Variants in OVOL2 observed in about 807,000 individuals in gnomAD.
OVOL2 encodes the protein transcription factor Ovo-like 2.
OVOL2 carries 13 observed loss-of-function variants against 18.1 expected under a neutral mutation model. The ratio of observed to expected loss-of-function variants is 0.72; its 90% CI spans 0.47 to 1.14. The LOEUF (loss-of-function observed/expected upper bound fraction) is 1.14, where lower values mean the gene tolerates loss of function less well. Among genes scored for constraint, OVOL2 ranks in the 50% most tolerant of loss-of-function variants. The pLI is 0.00. For synonymous variants in OVOL2, 166 were observed against 162.7 expected (o/e 1.02, Z -0.16); for missense variants, 335 against 383.0 (o/e 0.87, Z 1.05).
chr20:18,035,486 G>T (rs553741162), intron 3 of OVOL2, among the ~76,000 whole-genome samples: 2 of 152,294 alleles, frequency 1.3e-5, no homozygotes, highest in South Asian at 2.1e-4. Flanking sequence ...AACAACAAAG[G>T]TAAGACCAAA....
At position 18,024,702 on chromosome 20, in the gene OVOL2, C is replaced by A. The variant is rs760555687; in HGVS notation, c.762G>T (p.Leu254=). 6.2e-7 allele frequency: 1 copy of A among 1,614,006 alleles called. No individual in the cohort carries two copies. The highest frequency in any genetic ancestry group is 8.5e-7 in the Non-Finnish European group (1 of 1,180,016). ...KKTSKKLAAL[L]QGKLTSAHQE... ...GGTGTGCGGATGTCAGCTTGCCCTG[C>A]AGAAGGGCTGCCAGTTTTTTAGATG... The change falls in exon 4 of 4, where the codon CTG becomes CTT. Residue 254 remains leucine (L), a synonymous_variant. Transcript: ENST00000278780.
chr20:18,053,191 C>T (rs1213432199), intron 2 of OVOL2, among the ~76,000 whole-genome samples: 1 of 152,174 alleles, frequency 6.6e-6, no homozygotes. Context: ...TCCTTACAGC[C>T]AACAAAATGT....
intron 3 of OVOL2, among the ~76,000 whole-genome samples, chr20:18,040,782 G>C (rs1422009857): frequency 6.6e-6 from 1 of 152,160 alleles, no homozygotes; most frequent in East Asian, 1.9e-4. Flanking sequence ...ACGAGGCTCG[G>C]GTCAGCTCTA....
chr20:18,027,138 A>G (rs1421772435), intron 3 of OVOL2, among the ~76,000 whole-genome samples: 1 of 151,914 alleles, frequency 6.6e-6, no homozygotes, highest in East Asian at 1.9e-4. Context: ...TGAGACTGGT[A>G]TGTGACAGAA....
intron 2 of OVOL2, among the ~76,000 whole-genome samples, chr20:18,044,773 A>T (rs1407838894): frequency 6.6e-6 from 1 of 152,140 alleles, no homozygotes; most frequent in Non-Finnish European, 1.5e-5. Flanking sequence ...TTCCAGAGGA[A>T]GTGAGCTCCT....
At position 18,024,366 on chromosome 20, in the gene OVOL2, C is replaced by T; in HGVS notation, c.*270G>A. On this transcript the variant is annotated 3_prime_UTR_variant, in exon 4 of 4. Coordinates refer to ENST00000278780, the MANE Select transcript of OVOL2 (RefSeq NM_021220.4). ...AAATCCTTGGGGGAAAAAAAAATCC[C>T]ACACGGTGTTCTTGGCCATCAGGAT... is the stretch of plus-strand genomic sequence containing the variant. 2.2e-6 allele frequency: 1 copy of T among 453,060 alleles called. No homozygotes were observed. Among genetic ancestry groups the T allele is most frequent in the Non-Finnish European group, 3.6e-6 (1 of 281,462 alleles). The allele number at this position is 453,060 out of a possible 1,614,324, so 28.1% of individuals were successfully genotyped here.
rs1180439008 is a variant in OVOL2, at chr20:18,024,186, G to C, written c.*450C>G. 6.2e-6 allele frequency: 1 copy of C among 161,340 alleles called. No homozygotes were observed. The highest frequency in any genetic ancestry group is 1.4e-5 in the Non-Finnish European group (1 of 72,732). The allele number at this position is 161,340 out of a possible 1,614,324, so 10.0% of individuals were successfully genotyped here. On this transcript the variant is annotated 3_prime_UTR_variant, in exon 4 of 4. Transcript: ENST00000278780. ...CATTTTGCTTTTAAAAGCTTCACAA[G>C]AACATTTCATTTATTAAAATAGTTT...
At chr20:18,058,876 G>C (rs1052974135), upstream of OVOL2, 1 of 152,438 alleles carries the variant, frequency 6.6e-6, no homozygotes, top group East Asian at 1.9e-4. Context: ...AGTTTGTAAA[G>C]CAGTTGTGCT....
chr20:18,054,165 C>G (rs1029032721), intron 2 of OVOL2, among the ~76,000 whole-genome samples: 3 of 152,192 alleles, frequency 2.0e-5, no homozygotes, highest in Non-Finnish European at 4.4e-5. Context: ...TTTATCCTCA[C>G]GATGCTATCA....
chr20:18,041,438 G>T (rs2036667030), intron 3 of OVOL2, 96 bp downstream of exon 3: 5 of 1,403,238 alleles, frequency 3.6e-6, no homozygotes, highest in African/African-American at 1.4e-5. Context: ...ACACAACATT[G>T]TTCCACGGTC....
chr20:18,039,624 A>AAC (rs2036651309), intron 3 of OVOL2, among the ~76,000 whole-genome samples: 1 of 106,358 alleles, frequency 9.4e-6, no homozygotes, highest in African/African-American at 3.9e-5. Context: ...AAAAAAAAAG[A>AAC]AAGAAAGAAA....
At chr20:18,038,579 G>C (rs781278014) in intron 3 of OVOL2, among the ~76,000 whole-genome samples, 1 of 152,132 alleles carries the variant, frequency 6.6e-6, no homozygotes, top group Non-Finnish European at 1.5e-5. Flanking sequence ...CAATCACAGG[G>C]GAGGCAAGGC....
intron 2 of OVOL2, among the ~76,000 whole-genome samples, chr20:18,049,071 G>T (rs765452568): frequency 2.0e-5 from 3 of 152,234 alleles, no homozygotes; most frequent in Admixed American, 6.5e-5. Flanking sequence ...CGAAGACGAA[G>T]AGACAATGAA....
rs1206382819 is a variant in OVOL2, at chr20:18,057,175, T to A, written c.101-298A>T. On this transcript the variant is annotated intron_variant, in intron 1 of 3. Transcript: ENST00000278780. This position sits in a 1 kb window ranked among gnomAD's most constrained non-coding sequence, Gnocchi z 6.3. ...CAGGGCGGGGGAGGCGGATCTGACC[T>A]CTCCCCAGCTAGCCCCAGAAGGGTT... Among the ~76,000 whole-genome samples the A allele has an allele frequency of 6.7e-6, 1 of 150,294 alleles. No individual in the cohort carries two copies. The highest frequency in any genetic ancestry group is 2.0e-4 in the East Asian group (1 of 4,950).
intron 2 of OVOL2, among the ~76,000 whole-genome samples, chr20:18,045,258 G>A (rs892991416): frequency 9.2e-5 from 14 of 152,210 alleles, no homozygotes; most frequent in African/African-American, 3.1e-4. Context: ...AAGACCAAGT[G>A]TGCACAAGCA....
chr20:18,057,516 G>A lies in OVOL2; in HGVS notation c.100+19C>T, dbSNP rs1235736716. On this transcript the variant is annotated intron_variant, in intron 1 of 3. Transcript: ENST00000278780. The surrounding 1 kb of genome is among the most constrained non-coding windows in gnomAD (Gnocchi z 6.3). ...CCCCGGGAGCCCAGCGCCCAGGCCCGGCCCCCGCGCGCGCTCACCTGGGAT... is the reference window on the plus strand; with the variant it reads ...CCCCGGGAGCCCAGCGCCCAGGCCCAGCCCCCGCGCGCGCTCACCTGGGAT... 3 of 1,503,822 alleles carry A rather than the reference G, an allele frequency of 2.0e-6. No individual in the cohort carries two copies. The highest frequency in any genetic ancestry group is 2.7e-6 in the Non-Finnish European group (3 of 1,118,872). 93.2% of individuals were successfully genotyped at this position (1,503,822 alleles called of 1,614,324 possible).
chr20:18,034,532 T>C (rs987208944), intron 3 of OVOL2, among the ~76,000 whole-genome samples: 4 of 152,114 alleles, frequency 2.6e-5, no homozygotes, highest in Non-Finnish European at 2.9e-5. Context: ...AGCCACTTGT[T>C]TTCACAAAAT....
rs993890785 is a variant in OVOL2, at chr20:18,057,416, C to A, written c.100+119G>T. The A allele has an allele frequency of 1.8e-5, 22 of 1,194,158 alleles. No homozygotes were observed. In the East Asian group the frequency reaches 4.3e-4, roughly 23 times the overall value. 74.0% of individuals were successfully genotyped at this position (1,194,158 alleles called of 1,614,324 possible). On this transcript the variant is annotated intron_variant, in intron 1 of 3. Transcript: ENST00000278780. The surrounding 1 kb of genome is among the most constrained non-coding windows in gnomAD (Gnocchi z 6.3). The stretch of plus-strand genomic sequence containing the variant: ...ACCCGCCTAGAAGACCCCCGCGTGC[C>A]CCCCGGAAGAGGGGGATGAGGTGGG...
At chr20:18,047,853 CAAAAAAAAA>C (rs34668253) in intron 2 of OVOL2, among the ~76,000 whole-genome samples, 1 of 47,150 alleles carries the variant, frequency 2.1e-5, no homozygotes, top group Non-Finnish European at 3.7e-5. Flanking sequence ...GACTCCGTCT[CAAAAAAAAA>C]AAAAAAAAAA....
Sources: allele counts gnomAD v4.1 joint callset (sites outside exome capture counted in the v4.1 genomes callset), GRCh38; gene constraint gnomAD v4.1.1; non-coding constraint Gnocchi (gnomAD v3.1); transcripts MANE v1.5; gene names NCBI Gene and HGNC (gene_info 2026-07-23, HGNC 2026-07-21).